GTF2A1: variants seen among roughly 807,000 people sequenced by gnomAD.
GTF2A1 encodes general transcription factor IIA subunit 1.
A neutral mutation model predicts 54.1 loss-of-function variants in GTF2A1; 12 were observed. That is an observed-to-expected ratio of 0.22 (90% CI 0.14 to 0.36). The LOEUF (loss-of-function observed/expected upper bound fraction) is 0.36. Among genes scored for constraint, GTF2A1 ranks in the 10% least tolerant of loss-of-function variants. The pLI is 1.00. For missense variants in GTF2A1, 335 were observed against 442.2 expected, an observed-to-expected ratio of 0.76 and a Z score of 2.17; for synonymous variants, 145 against 152.0, an observed-to-expected ratio of 0.95 and a Z score of 0.34.
At position 81,220,594 on chromosome 14, in the gene GTF2A1, A is replaced by AG; in HGVS notation, c.-77_-76insC. ...AAACAAAACCAAAAAAAAAAAAACT[A>AG]TAACACCCGGAGGGTGACCCAAATC... On this transcript the variant is annotated 5_prime_UTR_variant, in exon 1 of 9. Coordinates refer to ENST00000553612, the MANE Select transcript of GTF2A1 (RefSeq NM_015859.4). 1 of 1,197,498 alleles carries AG rather than the reference A, an allele frequency of 8.4e-7. No individual in the cohort carries two copies. The allele number at this position is 1,197,498 out of a possible 1,614,324, so 74.2% of individuals were successfully genotyped here. A position where few individuals can be genotyped will look rare whatever the true frequency, so the allele number is the denominator to read the frequency against.
intron 5 of GTF2A1, among the ~76,000 whole-genome samples, chr14:81,196,700 G>T (rs1893000184): frequency 6.6e-6 from 1 of 152,140 alleles, no homozygotes; most frequent in South Asian, 2.1e-4. Context: ...AGCAATAAAA[G>T]TTCACAGAAC....
At position 81,213,569 on chromosome 14, in the gene GTF2A1, T is replaced by A. The variant is rs77083593; in HGVS notation, c.132+2844A>T. Among the ~76,000 whole-genome samples, 651 of 152,200 alleles carry A rather than the reference T, an allele frequency of 4.3e-3. 2 individuals are homozygous for A. The highest frequency in any genetic ancestry group is 0.015 in the African/African-American group (617 of 41,538). On this transcript the variant is annotated intron_variant, in intron 2 of 8. Transcript: ENST00000553612. ...AACCATTATAAAAGTATAACATAAA[T>A]TGCAAAAAACTCATTCCACGTTACA... is the stretch of plus-strand genomic sequence containing the variant.
At chr14:81,208,432 T>C (rs2140035727) in intron 2 of GTF2A1, among the ~76,000 whole-genome samples, 1 of 152,328 alleles carries the variant, frequency 6.6e-6, no homozygotes, top group South Asian at 2.1e-4. Context: ...AGCAAAAGTC[T>C]GCTACTGCAG....
intron 4 of GTF2A1, among the ~76,000 whole-genome samples, chr14:81,201,148 T>C (rs1893101547): frequency 6.6e-6 from 1 of 152,208 alleles, no homozygotes; most frequent in Admixed American, 6.5e-5. Flanking sequence ...TATTAGACTA[T>C]ACTATGGTTA....
chr14:81,184,709 C>T (rs1265164496), intron 8 of GTF2A1, among the ~76,000 whole-genome samples: 1 of 152,096 alleles, frequency 6.6e-6, no homozygotes, highest in Non-Finnish European at 1.5e-5. Context: ...ATAACTACAT[C>T]GCCAGGGCCT....
At chr14:81,185,305 C>T (rs1892720230) in intron 8 of GTF2A1, among the ~76,000 whole-genome samples, 1 of 152,140 alleles carries the variant, frequency 6.6e-6, no homozygotes, top group Non-Finnish European at 1.5e-5. Context: ...AAGATCGTAG[C>T]TCTTTTCATT....
intron 6 of GTF2A1, among the ~76,000 whole-genome samples, chr14:81,195,072 G>A (rs1225501357): frequency 5.3e-5 from 8 of 150,894 alleles, no homozygotes; most frequent in African/African-American, 1.7e-4. Context: ...CCCAGGAGGC[G>A]GGAGTTGCAG....
At chr14:81,191,240 G>A (rs1471378150) in intron 7 of GTF2A1, among the ~76,000 whole-genome samples, 1 of 152,186 alleles carries the variant, frequency 6.6e-6, no homozygotes, top group Non-Finnish European at 1.5e-5. Context: ...ATTATGTATT[G>A]AATGGCAGAA....
intron 6 of GTF2A1, among the ~76,000 whole-genome samples, chr14:81,195,550 T>C (rs1253936282): frequency 1.4e-5 from 2 of 144,328 alleles, no homozygotes; most frequent in Admixed American, 7.3e-5. Context: ...GAGAATGGCA[T>C]GAACCCAGCA....
intron 2 of GTF2A1, chr14:81,204,329 CTTT>C (rs543048166): frequency 1.3e-5 from 9 of 669,342 alleles, no homozygotes; most frequent in African/African-American, 8.9e-5. Context: ...GATTTTGTTT[CTTT>C]TTTTTATCTT....
chr14:81,209,614 A>G (rs958261975), intron 2 of GTF2A1, among the ~76,000 whole-genome samples: 2 of 152,190 alleles, frequency 1.3e-5, no homozygotes, highest in Admixed American at 1.3e-4. Flanking sequence ...TCCTCACACT[A>G]AAGACCAAGC....
At chr14:81,195,857 G>A (rs1402915289) in intron 6 of GTF2A1, among the ~76,000 whole-genome samples, 1 of 152,030 alleles carries the variant, frequency 6.6e-6, no homozygotes, top group Non-Finnish European at 1.5e-5. Flanking sequence ...GACCAGCTTA[G>A]GAAGCTGGAA....
chr14:81,180,114 T>A lies in GTF2A1; in HGVS notation c.*109A>T. Reference sequence around the variant, plus strand: ...AGTAGCTTTGCTTCTACTGCACTTTTCTGACATGCAGAAACGAAGTTTTGG... The same window carrying A: ...AGTAGCTTTGCTTCTACTGCACTTTACTGACATGCAGAAACGAAGTTTTGG... On this transcript the variant is annotated 3_prime_UTR_variant, in exon 9 of 9. Transcript: ENST00000553612. 1.8e-6 allele frequency: 1 copy of A among 544,250 alleles called. No individual in the cohort carries two copies. The highest frequency in any genetic ancestry group is 3.3e-6 in the Non-Finnish European group (1 of 298,714). 33.7% of individuals were successfully genotyped at this position (544,250 alleles called of 1,614,324 possible).
At chr14:81,196,937 C>A (rs1893005484) in intron 5 of GTF2A1, among the ~76,000 whole-genome samples, 1 of 152,028 alleles carries the variant, frequency 6.6e-6, no homozygotes, top group African/African-American at 2.4e-5. Context: ...CACTTAAAAT[C>A]CATGTAAATA....
chr14:81,192,614 A>T lies in GTF2A1; in HGVS notation c.838T>A (p.Ser280Thr). 1 of 1,612,866 alleles carries T rather than the reference A, an allele frequency of 6.2e-7. No individual in the cohort carries two copies. The highest frequency in any genetic ancestry group is 8.5e-7 in the Non-Finnish European group (1 of 1,178,836). The change falls in exon 7 of 9, where the codon TCA becomes ACA. Residue 280 changes from serine (S) to threonine (T), a missense_variant. Physicochemically the swap from Ser to Thr is moderately conservative, Grantham distance 58. This residue lies in a region of GTF2A1 where 306 missense variants were observed against 360.4 expected (regional missense o/e 0.85). Coordinates refer to ENST00000553612, the MANE Select transcript of GTF2A1 (RefSeq NM_015859.4). ...VLQVDGTGDTSSEEDEDEEED... is the reference protein window; with the variant it reads ...VLQVDGTGDTTSEEDEDEEED... ...TCTTCATCTTCATCTTCTTCAGATG[A>T]TGTATCCCCAGTTCCATCAACTTGT... is the stretch of plus-strand genomic sequence containing the variant.
intron 3 of GTF2A1, chr14:81,202,665 T>C (rs371196900): frequency 1.8e-4 from 94 of 516,126 alleles, no homozygotes; most frequent in Middle Eastern, 9.7e-4. Context: ...TCAGAAATAA[T>C]GGCAATGTTA....
rs1206062856 is a variant in GTF2A1, at chr14:81,178,662, C to T, written c.*1561G>A. 1 of 152,068 alleles carries T rather than the reference C, an allele frequency of 6.6e-6. No individual in the cohort carries two copies. The highest frequency in any genetic ancestry group is 1.5e-5 in the Non-Finnish European group (1 of 67,970). The allele number at this position is 152,068 out of a possible 1,614,324, so 9.4% of individuals were successfully genotyped here. On this transcript the variant is annotated 3_prime_UTR_variant, in exon 9 of 9. Coordinates refer to ENST00000553612, the MANE Select transcript of GTF2A1 (RefSeq NM_015859.4). ...TTAAAAAAGAAACACTATATAATAG[C>T]TCACAGTTTTCTTCTCTGTAATGTA...
intron 4 of GTF2A1, among the ~76,000 whole-genome samples, chr14:81,199,859 G>T (rs995609266): frequency 1.3e-5 from 2 of 151,918 alleles, no homozygotes; most frequent in Non-Finnish European, 2.9e-5. Context: ...AAGAGACTCT[G>T]CCAAAATTTG....
Position 81,203,937 on chromosome 14 carries a change from C to A in GTF2A1, c.300G>T (p.Ala100=), listed in dbSNP as rs34717996. The change falls in exon 3 of 9, where the codon GCG becomes GCT. Residue 100 remains alanine (A), a synonymous_variant. Transcript: ENST00000553612. ...AQPQQTVPQQ[A]QTQQVLIPAS... Reference sequence around the variant, plus strand: ...CAGGAATAAGAACCTGCTGGGTCTGCGCTTGCTGAGGTACTGTCTGCTGAG... The same window carrying A: ...CAGGAATAAGAACCTGCTGGGTCTGAGCTTGCTGAGGTACTGTCTGCTGAG... The A allele has an allele frequency of 2.1e-5, 34 of 1,613,892 alleles. No homozygotes were observed. Among genetic ancestry groups the A allele is most frequent in the Non-Finnish European group, 2.7e-5 (32 of 1,179,944 alleles).
Sources: gnomAD v4.1 joint callset for allele counts (sites outside exome capture counted in the v4.1 genomes callset) on GRCh38, gnomAD v4.1.1 for gene constraint, gnomAD v4.1.1 regional missense constraint, MANE v1.5 for transcripts, NCBI Gene and HGNC (gene_info 2026-07-23, HGNC 2026-07-21) for gene names.